ADAMTS12: variants seen among roughly 807,000 people sequenced by gnomAD.
ADAMTS12 encodes A disintegrin and metalloproteinase with thrombospondin motifs 12.
Under a neutral mutation model 167.8 loss-of-function variants are expected in ADAMTS12, and 118 were observed. The observed-to-expected ratio is 0.70, with a 90% confidence interval of 0.61 to 0.82. The LOEUF (loss-of-function observed/expected upper bound fraction) is 0.82. ADAMTS12 is among the 40% of genes least tolerant of loss of function. ADAMTS12 has a pLI of 0.00. For missense variants in ADAMTS12, 1,916 were observed against 1,998.8 expected, an observed-to-expected ratio of 0.96 and a Z score of 0.79; for synonymous variants, 704 against 716.9, an observed-to-expected ratio of 0.98 and a Z score of 0.29.
chr5:33,672,251 TACTC>T (rs756876861), intron 5 of ADAMTS12, among the ~76,000 whole-genome samples: 3 of 123,484 alleles, frequency 2.4e-5, no homozygotes, highest in Admixed American at 8.5e-5. Flanking sequence ...CACACCCACA[TACTC>T]ACATACACAG....
chr5:33,859,783 C>T (rs1483037822), intron 2 of ADAMTS12, among the ~76,000 whole-genome samples: 1 of 152,156 alleles, frequency 6.6e-6, no homozygotes, highest in Admixed American at 6.5e-5. Flanking sequence ...CTCGTGGGTG[C>T]CCCTCTGGGA....
chr5:33,873,165 TTA>T (rs1491404069), intron 2 of ADAMTS12, among the ~76,000 whole-genome samples: 1 of 146,168 alleles, frequency 6.8e-6, no homozygotes, highest in Non-Finnish European at 1.5e-5. Context: ...CTATGTAGAT[TTA>T]AAAAAAAAAA....
intron 2 of ADAMTS12, among the ~76,000 whole-genome samples, chr5:33,827,165 C>CTG: frequency 2.8e-5 from 1 of 35,706 alleles, no homozygotes; most frequent in East Asian, 4.7e-4. Context: ...CAGAATTGAC[C>CTG]CTGAAAGAAA....
At position 33,588,825 on chromosome 5, in the gene ADAMTS12, G is replaced by A. The variant is rs1459139389; in HGVS notation, c.2655-16C>T. On this transcript the variant is annotated splice_polypyrimidine_tract_variant and intron_variant, in intron 17 of 23. Transcript: ENST00000504830. ...TGCCCACCACCTGCAGGCAAACATG[G>A]ATATGTGAGAGAAGATCGCCAACTT... 1 of 1,611,438 alleles carries A rather than the reference G, an allele frequency of 6.2e-7. No homozygotes were observed. Among genetic ancestry groups the A allele is most frequent in the East Asian group, 2.2e-5 (1 of 44,876 alleles).
chr5:33,538,279 T>C (rs919647058), intron 22 of ADAMTS12, among the ~76,000 whole-genome samples: 2 of 152,110 alleles, frequency 1.3e-5, no homozygotes, highest in African/African-American at 4.8e-5. Flanking sequence ...GAGCACCTTA[T>C]AAAACCATCA....
chr5:33,538,811 T>C lies in ADAMTS12; in HGVS notation c.4447-3819A>G, dbSNP rs570472683. On this transcript the variant is annotated intron_variant, in intron 22 of 23. Coordinates refer to ENST00000504830, the MANE Select transcript of ADAMTS12 (RefSeq NM_030955.4). ...CTTCTTCTCTGCCTCCTTTCTCTTTTCTATCACCCCTGCTTCCCTGGCACT... is the reference window on the plus strand; with the variant it reads ...CTTCTTCTCTGCCTCCTTTCTCTTTCCTATCACCCCTGCTTCCCTGGCACT... Among the ~76,000 whole-genome samples, 4 of 152,304 alleles carry C rather than the reference T, an allele frequency of 2.6e-5. No individual in the cohort carries two copies. The East Asian group carries it at 7.7e-4, about 29-fold the overall frequency.
Position 33,680,043 on chromosome 5 carries a change from T to A in ADAMTS12, c.915+2975A>T, listed in dbSNP as rs564729392. 9.2e-5 allele frequency among the ~76,000 whole-genome samples: 14 copies of A among 152,294 alleles called. No individual in the cohort carries two copies. In the South Asian group the frequency reaches 2.9e-3, roughly 32 times the overall value. ...AATGGCTTGAGCCATTTCCTGGGAATTAGGAAAATGAGAATTGTGGACTGC... is the reference window on the plus strand; with the variant it reads ...AATGGCTTGAGCCATTTCCTGGGAAATAGGAAAATGAGAATTGTGGACTGC... On this transcript the variant is annotated intron_variant, in intron 5 of 23. Transcript: ENST00000504830.
chr5:33,573,310 G>A (rs1412801614), intron 19 of ADAMTS12, among the ~76,000 whole-genome samples: 3 of 152,242 alleles, frequency 2.0e-5, no homozygotes, highest in African/African-American at 4.8e-5. Flanking sequence ...TAAGCCAAAA[G>A]AACAAAGCCA....
chr5:33,633,479 C>T (rs1488310547), intron 12 of ADAMTS12, among the ~76,000 whole-genome samples: 1 of 151,728 alleles, frequency 6.6e-6, no homozygotes, highest in Non-Finnish European at 1.5e-5. Context: ...GCATACAGGT[C>T]CTCTGCTGCA....
chr5:33,736,717 CAT>C (rs1744388810), intron 3 of ADAMTS12, among the ~76,000 whole-genome samples: 1 of 152,290 alleles, frequency 6.6e-6, no homozygotes, highest in South Asian at 2.1e-4. Flanking sequence ...CATTATGAAA[CAT>C]GTGAAGAATT....
At position 33,642,473 on chromosome 5, in the gene ADAMTS12, A is replaced by T. The variant is rs1362278110; in HGVS notation, c.1573-518T>A. Among the ~76,000 whole-genome samples the T allele has an allele frequency of 2.6e-5, 4 of 152,156 alleles. No individual in the cohort carries two copies. The East Asian group carries it at 7.7e-4, about 29-fold the overall frequency. On this transcript the variant is annotated intron_variant, in intron 10 of 23. Coordinates refer to ENST00000504830, the MANE Select transcript of ADAMTS12 (RefSeq NM_030955.4). ...TGCAAAAAGTCAATTTCACTGCCAA[A>T]ACACACTAGCTGTTAGGAAGTTCTT...
chr5:33,884,462 C>T (rs1750568711), intron 1 of ADAMTS12, among the ~76,000 whole-genome samples: 1 of 152,158 alleles, frequency 6.6e-6, no homozygotes, highest in African/African-American at 2.4e-5. Flanking sequence ...AGTCTTTTGC[C>T]TATCAGTATT....
chr5:33,539,238 G>T (rs1222612151), intron 22 of ADAMTS12, among the ~76,000 whole-genome samples: 1 of 152,096 alleles, frequency 6.6e-6, no homozygotes, highest in Non-Finnish European at 1.5e-5. Flanking sequence ...CACCACACCT[G>T]GCCACAATTT....
Position 33,686,469 on chromosome 5 carries a change from T to C in ADAMTS12, c.635-2414A>G, listed in dbSNP as rs117941586. ...CCTTGGTCCTGTGTTTCTTTACTTC[T>C]TCTTTACTCTCCCCTTTTTCTACCT... On this transcript the variant is annotated intron_variant, in intron 3 of 23. Transcript: ENST00000504830. Among the ~76,000 whole-genome samples the C allele has an allele frequency of 6.0e-4, 92 of 152,282 alleles. 1 individual carries two copies. In the East Asian group the frequency reaches 0.017, roughly 28 times the overall value.
At position 33,528,975 on chromosome 5, in the gene ADAMTS12, G is replaced by T. The variant is rs113048604; in HGVS notation, c.4607-1609C>A. 9.6e-3 allele frequency among the ~76,000 whole-genome samples: 1,463 copies of T among 152,284 alleles called. 24 individuals are homozygous for T. Among genetic ancestry groups the T allele is most frequent in the Non-Finnish European group, 0.01 (695 of 68,034 alleles). On this transcript the variant is annotated intron_variant, in intron 23 of 23. Transcript: ENST00000504830. ...CAGGAGAATCGCTTGAAACCGGAAG[G>T]TGGAGGTTGCAGTGAGCTGAGATCG...
chr5:33,876,683 T>C (rs941611621), intron 2 of ADAMTS12, among the ~76,000 whole-genome samples: 5 of 152,234 alleles, frequency 3.3e-5, no homozygotes, highest in African/African-American at 1.2e-4. Context: ...TGGACTTAAA[T>C]GTAAAATATA....
At chr5:33,587,027 C>T (rs932368240) in intron 18 of ADAMTS12, among the ~76,000 whole-genome samples, 1 of 151,716 alleles carries the variant, frequency 6.6e-6, no homozygotes, top group Non-Finnish European at 1.5e-5. Flanking sequence ...CATCTAGGGA[C>T]CATATTTTCT....
At chr5:33,625,472 C>T (rs985692858) in intron 13 of ADAMTS12, among the ~76,000 whole-genome samples, 1 of 152,160 alleles carries the variant, frequency 6.6e-6, no homozygotes, top group African/African-American at 2.4e-5. Flanking sequence ...ACCACATTCC[C>T]AGTGGCCTTC....
intron 12 of ADAMTS12, among the ~76,000 whole-genome samples, chr5:33,633,783 G>A (rs541284192): frequency 6.6e-6 from 1 of 152,216 alleles, no homozygotes; most frequent in South Asian, 2.1e-4. Flanking sequence ...CTCTGTGCCG[G>A]ACATCAACCT....
Sources: allele counts gnomAD v4.1 joint callset (sites outside exome capture counted in the v4.1 genomes callset), GRCh38; gene constraint gnomAD v4.1.1; transcripts MANE v1.5; gene names NCBI Gene and HGNC (gene_info 2026-07-23, HGNC 2026-07-21).